Variants in CHRM2 observed in about 807,000 individuals in gnomAD.
The protein encoded by CHRM2 is cholinergic receptor muscarinic 2, also known as muscarinic acetylcholine receptor M2.
CHRM2 carries 8 observed loss-of-function variants against 25.0 expected under a neutral mutation model. The observed-to-expected ratio is 0.32, with a 90% confidence interval of 0.19 to 0.58. The LOEUF (loss-of-function observed/expected upper bound fraction) is 0.58, where lower values mean the gene tolerates loss of function less well. Among genes scored for constraint, CHRM2 ranks in the 20% least tolerant of loss-of-function variants. The probability of loss-of-function intolerance (pLI) is 0.88; values close to 1 mark genes in which losing one functional copy is unlikely to be tolerated. For synonymous variants in CHRM2, 202 were observed against 205.7 expected (o/e 0.98, Z 0.15); for missense variants, 440 against 567.1 (o/e 0.78, Z 2.28).
At position 137,008,587 on chromosome 7, in the gene CHRM2, G is replaced by T. The variant is rs547965065; in HGVS notation, c.-46-6233G>T. Among the ~76,000 whole-genome samples, 11 of 152,078 alleles carry T rather than the reference G, an allele frequency of 7.2e-5. No homozygotes were observed. In the East Asian group the frequency reaches 1.9e-3, roughly 27 times the overall value. ...TTTGAGATCTTAATGGTTGAAAGGT[G>T]GGCAAGAAACGCCAAAGAACTCTGC... is the stretch of plus-strand genomic sequence containing the variant. On this transcript the variant is annotated intron_variant, in intron 3 of 3. Transcript: ENST00000680005.
At chr7:136,899,890 A>G (rs1393606695) in intron 2 of CHRM2, 1 of 152,142 alleles carries the variant, frequency 6.6e-6, no homozygotes, top group Non-Finnish European at 1.5e-5. Context: ...AATACACTTC[A>G]TAGTTTAAAA....
At chr7:136,881,542 T>C (rs979085271) in intron 2 of CHRM2, among the ~76,000 whole-genome samples, 1 of 151,944 alleles carries the variant, frequency 6.6e-6, no homozygotes, top group African/African-American at 2.4e-5. Flanking sequence ...TCTAGAACTT[T>C]CTAAAACTGG....
At chr7:136,983,903 G>T (rs1386223466) in intron 2 of CHRM2, among the ~76,000 whole-genome samples, 1 of 152,198 alleles carries the variant, frequency 6.6e-6, no homozygotes, top group Non-Finnish European at 1.5e-5. Flanking sequence ...CCCATCAGGA[G>T]GCCCAGGGGT....
intron 2 of CHRM2, among the ~76,000 whole-genome samples, chr7:136,921,114 C>T (rs1264596600): frequency 5.3e-5 from 8 of 152,032 alleles, no homozygotes; most frequent in South Asian, 2.1e-4. Context: ...GCTCTCCTGT[C>T]GCTCAAACCT....
chr7:136,880,713 A>G (rs1796232845), intron 2 of CHRM2, among the ~76,000 whole-genome samples: 1 of 151,760 alleles, frequency 6.6e-6, no homozygotes, highest in African/African-American at 2.4e-5. Context: ...TTGGCCCCAC[A>G]CACACCTACT....
At chr7:137,013,146 A>G (rs1388940327) in intron 3 of CHRM2, among the ~76,000 whole-genome samples, 2 of 151,902 alleles carry the variant, frequency 1.3e-5, no homozygotes, top group Non-Finnish European at 2.9e-5. Flanking sequence ...CTATCGTGCA[A>G]TTTACAAATA....
At chr7:136,879,295 A>G (rs1796168007) in intron 2 of CHRM2, among the ~76,000 whole-genome samples, 1 of 151,962 alleles carries the variant, frequency 6.6e-6, no homozygotes, top group South Asian at 2.1e-4. Context: ...CTTCTATTTC[A>G]TACTGTTATA....
At chr7:136,898,171 T>C (rs1797006725) in intron 2 of CHRM2, among the ~76,000 whole-genome samples, 1 of 152,150 alleles carries the variant, frequency 6.6e-6, no homozygotes, top group South Asian at 2.1e-4. Context: ...TAAAATAGTT[T>C]TATGTATTTC....
intron 2 of CHRM2, chr7:136,871,475 G>A (rs1266261729): frequency 1.3e-5 from 2 of 152,740 alleles, no homozygotes; most frequent in African/African-American, 4.8e-5. Flanking sequence ...GTCTCCCAAT[G>A]AGAGGGCTCT....
intron 2 of CHRM2, among the ~76,000 whole-genome samples, chr7:136,910,875 A>G (rs1187706804): frequency 6.6e-6 from 1 of 151,558 alleles, no homozygotes; most frequent in African/African-American, 2.4e-5. Context: ...CATTCAAATT[A>G]TAGTCACTCA....
intron 2 of CHRM2, among the ~76,000 whole-genome samples, chr7:136,975,704 T>G (rs1802061146): frequency 6.6e-6 from 1 of 152,224 alleles, no homozygotes; most frequent in Non-Finnish European, 1.5e-5. Flanking sequence ...GATTTCCATT[T>G]ATTTTATCTC....
At chr7:136,950,606 G>A (rs114000689) in intron 2 of CHRM2, among the ~76,000 whole-genome samples, 2,147 of 152,146 alleles carry the variant, frequency 0.014, 47 homozygotes, top group African/African-American at 0.049. Flanking sequence ...TCCAGTGAAC[G>A]ATGTAAATGA....
At chr7:137,008,995 G>A (rs544990239) in intron 3 of CHRM2, among the ~76,000 whole-genome samples, 1 of 152,178 alleles carries the variant, frequency 6.6e-6, no homozygotes, top group Non-Finnish European at 1.5e-5. Context: ...ATTATCATCT[G>A]TACAACTGGA....
intron 2 of CHRM2, among the ~76,000 whole-genome samples, chr7:136,961,001 G>T (rs565407337): frequency 2.0e-5 from 3 of 152,192 alleles, no homozygotes; most frequent in South Asian, 4.1e-4. Context: ...GGTGGCAGGT[G>T]CCTGTAACCA....
chr7:136,869,316 C>A lies in CHRM2; in HGVS notation c.-227C>A, dbSNP rs1477986519. 6.6e-6 allele frequency: 1 copy of A among 152,378 alleles called. No individual in the cohort carries two copies. The highest frequency in any genetic ancestry group is 1.9e-4 in the East Asian group (1 of 5,176). The allele number at this position is 152,378 out of a possible 1,614,324, so 9.4% of individuals were successfully genotyped here. On this transcript the variant is annotated 5_prime_UTR_variant, in exon 2 of 4. Transcript: ENST00000680005. The surrounding 1 kb of genome is among the most constrained non-coding windows in gnomAD (Gnocchi z 4.9). The stretch of plus-strand genomic sequence containing the variant: ...CTCGGACTCTAAGCGGTGCGCAGCT[C>A]CAGCCCGAGCGGATCGGCCCTGAAC...
At chr7:136,954,820 G>C (rs1316281480) in intron 2 of CHRM2, among the ~76,000 whole-genome samples, 1 of 152,192 alleles carries the variant, frequency 6.6e-6, no homozygotes. Flanking sequence ...AGATGATCAA[G>C]AGACAAGAGG....
chr7:136,879,250 C>G (rs1344419376), intron 2 of CHRM2, among the ~76,000 whole-genome samples: 3 of 151,880 alleles, frequency 2.0e-5, no homozygotes, highest in Non-Finnish European at 4.4e-5. Flanking sequence ...ATTAGGAGAA[C>G]ATTAAGTATC....
intron 2 of CHRM2, among the ~76,000 whole-genome samples, chr7:136,979,867 G>A (rs1370934179): frequency 6.6e-6 from 1 of 152,172 alleles, no homozygotes; most frequent in African/African-American, 2.4e-5. Context: ...ATAGTTTGAA[G>A]TCAAGTAGCA....
chr7:136,932,571 T>G (rs907148741), intron 2 of CHRM2, among the ~76,000 whole-genome samples: 1 of 152,178 alleles, frequency 6.6e-6, no homozygotes, highest in Admixed American at 6.5e-5. Flanking sequence ...GATATCCACA[T>G]GCAAAATAAT....
Sources: gnomAD v4.1 joint callset for allele counts (sites outside exome capture counted in the v4.1 genomes callset) on GRCh38, gnomAD v4.1.1 for gene constraint, Gnocchi (gnomAD v3.1) non-coding constraint, MANE v1.5 for transcripts, NCBI Gene and HGNC (gene_info 2026-07-23, HGNC 2026-07-21) for gene names.